The following EXOC6 variants were observed in gnomAD, a reference collection of about 807,000 sequenced individuals.
EXOC6 encodes exocyst complex component 6.
In EXOC6, 60 loss-of-function variants were observed where a neutral mutation model predicts 112.5. The ratio of observed to expected loss-of-function variants is 0.53; its 90% CI spans 0.43 to 0.66. EXOC6 has a LOEUF of 0.66. Among genes scored for constraint, EXOC6 ranks in the 30% least tolerant of loss-of-function variants. The pLI, the probability that EXOC6 is intolerant of heterozygous loss-of-function variation, is 0.00. For synonymous variants in EXOC6, 295 were observed against 308.0 expected (o/e 0.96, Z 0.44); for missense variants, 855 against 957.1 (o/e 0.89, Z 1.41).
In EXOC6 at chr10:92,904,053, G is replaced by A. The variant is rs183976074; in HGVS notation, c.458+4409G>A. On this transcript the variant is annotated intron_variant, in intron 5 of 21. Coordinates refer to ENST00000260762, the MANE Select transcript of EXOC6 (RefSeq NM_019053.6). Reference sequence around the variant, plus strand: ...AATGTCAGATAGTTGAAATAATACAGTATATATATAATATGTTCAGACTGG... The same window carrying A: ...AATGTCAGATAGTTGAAATAATACAATATATATATAATATGTTCAGACTGG... 7.9e-5 allele frequency among the ~76,000 whole-genome samples: 12 copies of A among 152,046 alleles called. No homozygotes were observed. The East Asian group carries it at 2.1e-3, about 27-fold the overall frequency.
At chr10:93,006,692 T>C (rs532507506) in intron 19 of EXOC6, among the ~76,000 whole-genome samples, 3 of 152,336 alleles carry the variant, frequency 2.0e-5, no homozygotes, top group Admixed American at 6.5e-5. Context: ...TCACATGGGA[T>C]ACTTTGTTTG....
chr10:92,883,859 A>G (rs1050394179), intron 1 of EXOC6, among the ~76,000 whole-genome samples: 1 of 152,092 alleles, frequency 6.6e-6, no homozygotes, highest in Non-Finnish European at 1.5e-5. Context: ...TGTCAGGGGT[A>G]AAAGAGTTAA....
intron 9 of EXOC6, among the ~76,000 whole-genome samples, chr10:92,931,251 C>A: frequency 6.7e-6 from 1 of 149,494 alleles, no homozygotes. Context: ...TAATTGAAGA[C>A]CAATAAACCA....
intron 20 of EXOC6, among the ~76,000 whole-genome samples, chr10:93,049,234 TA>T (rs1846162634): frequency 1.3e-5 from 2 of 152,202 alleles, no homozygotes; most frequent in African/African-American, 4.8e-5. Flanking sequence ...ATTTTTTATA[TA>T]TTTTTTTAGT....
At chr10:92,945,808 A>C (rs1209786984) in intron 13 of EXOC6, among the ~76,000 whole-genome samples, 4 of 152,198 alleles carry the variant, frequency 2.6e-5, no homozygotes, top group Non-Finnish European at 5.9e-5. Flanking sequence ...CAAAGATTAC[A>C]GGTGTGAGCC....
At chr10:92,923,167 T>TA (rs1851535478) in intron 8 of EXOC6, among the ~76,000 whole-genome samples, 2 of 152,170 alleles carry the variant, frequency 1.3e-5, no homozygotes, top group Admixed American at 1.3e-4. Flanking sequence ...AGGTATAACT[T>TA]ATGCTCTGAA....
At chr10:92,946,953 A>G (rs1415618820) in intron 13 of EXOC6, among the ~76,000 whole-genome samples, 2 of 152,176 alleles carry the variant, frequency 1.3e-5, no homozygotes, top group South Asian at 2.1e-4. Context: ...ATAGCACAAC[A>G]TTATAGATGT....
intron 19 of EXOC6, among the ~76,000 whole-genome samples, chr10:93,003,772 T>C (rs1431994983): frequency 6.6e-6 from 1 of 152,070 alleles, no homozygotes. Context: ...TTCTGTATGC[T>C]GTGGGATTGA....
At chr10:92,891,267 T>G (rs1849485184) in intron 1 of EXOC6, among the ~76,000 whole-genome samples, 1 of 151,940 alleles carries the variant, frequency 6.6e-6, no homozygotes. Flanking sequence ...TGAGGAGAGG[T>G]CAGGGCAGAG....
chr10:93,047,535 CAAACA>C (rs149468459), intron 20 of EXOC6, among the ~76,000 whole-genome samples: 19,433 of 151,156 alleles, frequency 0.13, 1,361 homozygotes, highest in African/African-American at 0.18. Flanking sequence ...GGCTATGTCT[CAAACA>C]AAACAAAACA....
At chr10:92,874,839 C>T (rs956834595) in intron 1 of EXOC6, among the ~76,000 whole-genome samples, 6 of 152,178 alleles carry the variant, frequency 3.9e-5, no homozygotes, top group African/African-American at 1.4e-4. Context: ...CTCTGCTTCT[C>T]TCTGTACTTG....
At chr10:92,902,310 T>C (rs1156590634) in intron 5 of EXOC6, among the ~76,000 whole-genome samples, 1 of 152,164 alleles carries the variant, frequency 6.6e-6, no homozygotes, top group Admixed American at 6.5e-5. Flanking sequence ...ATTATTTTTT[T>C]CTTTCTGTTT....
chr10:92,843,727 C>T (rs1277156418), upstream of EXOC6, among the ~76,000 whole-genome samples: 5 of 152,120 alleles, frequency 3.3e-5, no homozygotes, highest in Admixed American at 1.3e-4. Flanking sequence ...CGGTGGCTCC[C>T]GCCTGTAATC....
chr10:92,913,050 C>G (rs1392534322), intron 6 of EXOC6, among the ~76,000 whole-genome samples: 2 of 152,156 alleles, frequency 1.3e-5, no homozygotes, highest in Admixed American at 6.5e-5. Context: ...TTCTGGCAGT[C>G]CAAACTGGCA....
chr10:92,880,938 T>C (rs886384133), intron 1 of EXOC6, among the ~76,000 whole-genome samples: 1 of 152,200 alleles, frequency 6.6e-6, no homozygotes, highest in Non-Finnish European at 1.5e-5. Context: ...TCCAAGTAAC[T>C]TGTATTCTAC....
chr10:92,935,632 C>T (rs888669645), intron 11 of EXOC6, among the ~76,000 whole-genome samples, 182 bp from the exon 12 acceptor site: 9 of 152,126 alleles, frequency 5.9e-5, no homozygotes. Context: ...TGATCTCCCT[C>T]TAAACGTTTA....
intron 1 of EXOC6, among the ~76,000 whole-genome samples, chr10:92,890,769 A>G (rs1392963432): frequency 6.6e-6 from 1 of 152,192 alleles, no homozygotes; most frequent in Non-Finnish European, 1.5e-5. Flanking sequence ...TGTTGCTGGC[A>G]TGGAATAAGT....
At chr10:92,835,297 G>T (rs994093498) in intron 1 of EXOC6, among the ~76,000 whole-genome samples, 1 of 152,010 alleles carries the variant, frequency 6.6e-6, no homozygotes, top group African/African-American at 2.4e-5. Flanking sequence ...TCCATATAAG[G>T]TTTATTTATT....
upstream of EXOC6, among the ~76,000 whole-genome samples, chr10:92,844,478 TCCAA>T (rs2133599137): frequency 6.6e-6 from 1 of 152,208 alleles, no homozygotes; most frequent in South Asian, 2.1e-4. Flanking sequence ...GAACCAAGAA[TCCAA>T]CCCAAAGACA....
Sources: allele counts gnomAD v4.1 joint callset (sites outside exome capture counted in the v4.1 genomes callset), GRCh38; gene constraint gnomAD v4.1.1; transcripts MANE v1.5; gene names NCBI Gene and HGNC (gene_info 2026-07-23, HGNC 2026-07-21).